Variants in CELSR1 observed in about 807,000 individuals in gnomAD.
The protein encoded by CELSR1 is cadherin EGF LAG seven-pass G-type receptor 1, also known as adhesion G protein-coupled receptor C1.
In CELSR1, 110 loss-of-function variants were observed where a neutral mutation model predicts 249.1. The observed-to-expected ratio is 0.44, with a 90% confidence interval of 0.38 to 0.52. CELSR1 has a LOEUF of 0.52. Among genes scored for constraint, CELSR1 ranks in the 20% least tolerant of loss-of-function variants. CELSR1 has a pLI of 0.00. For synonymous variants in CELSR1, 2,113 were observed against 1,900.0 expected (o/e 1.11, Z -2.92); for missense variants, 4,109 against 4,296.4 (o/e 0.96, Z 1.22).
chr22:46,486,140 C>T (rs2080311039), intron 1 of CELSR1, among the ~76,000 whole-genome samples: 1 of 151,282 alleles, frequency 6.6e-6, no homozygotes, highest in Non-Finnish European at 1.5e-5. Flanking sequence ...GGGGTTTCAC[C>T]GTGTTAGCCA....
In CELSR1 at chr22:46,408,717, G is replaced by T. The variant is rs745719880; in HGVS notation, c.5226+279C>A. On this transcript the variant is annotated intron_variant, in intron 9 of 34. Coordinates refer to ENST00000674500, the MANE Select transcript of CELSR1 (RefSeq NM_001378328.1). This position sits in a 1 kb window ranked among gnomAD's most constrained non-coding sequence, Gnocchi z 4.6. ...CCTCCCTCAGTTCTGCAATGCCCAC[G>T]CTCCAGCCAAACCCTCAGGCTAGAG... is the stretch of plus-strand genomic sequence containing the variant. Among the ~76,000 whole-genome samples, 68 of 152,142 alleles carry T rather than the reference G, an allele frequency of 4.5e-4. No homozygotes were observed. The highest frequency in any genetic ancestry group is 7.2e-4 in the Admixed American group (11 of 15,270).
Position 46,399,370 on chromosome 22 carries a change from G to A in CELSR1, c.5412+347C>T, listed in dbSNP as rs910598285. On this transcript the variant is annotated intron_variant, in intron 10 of 34. Coordinates refer to ENST00000674500, the MANE Select transcript of CELSR1 (RefSeq NM_001378328.1). This position sits in a 1 kb window ranked among gnomAD's most constrained non-coding sequence, Gnocchi z 5.0. ...CTCTGAGGGCACGGGCCCCAGCATT[G>A]CTACTTCAGTACCCTAAAGACATGG... Among the ~76,000 whole-genome samples the A allele has an allele frequency of 6.6e-6, 1 of 152,196 alleles. No individual in the cohort carries two copies. The highest frequency in any genetic ancestry group is 1.5e-5 in the Non-Finnish European group (1 of 68,042).
In CELSR1 at chr22:46,423,560, G is replaced by T. The variant is rs1316756469; in HGVS notation, c.4611+9833C>A. Among the ~76,000 whole-genome samples the T allele has an allele frequency of 6.8e-6, 1 of 147,904 alleles. No individual in the cohort carries two copies. The highest frequency in any genetic ancestry group is 1.5e-5 in the Non-Finnish European group (1 of 67,470). ...GCAGAGGTTGCGGTGAGCCGAGATC[G>T]CGCCTTTACACTCCAGCCTGGGCAA... On this transcript the variant is annotated intron_variant, in intron 5 of 34. Coordinates refer to ENST00000674500, the MANE Select transcript of CELSR1 (RefSeq NM_001378328.1). This position sits in a 1 kb window ranked among gnomAD's most constrained non-coding sequence, Gnocchi z 5.6.
At chr22:46,444,885 C>G (rs753501532) in intron 2 of CELSR1, among the ~76,000 whole-genome samples, 13 of 152,304 alleles carry the variant, frequency 8.5e-5, no homozygotes, top group African/African-American at 2.9e-4. Context: ...CTCACAAGGC[C>G]GTCAAATCTC....
chr22:46,514,597 T>C (rs1268411542), intron 1 of CELSR1, among the ~76,000 whole-genome samples: 2 of 152,116 alleles, frequency 1.3e-5, no homozygotes, highest in African/African-American at 2.4e-5. Flanking sequence ...AAGTCAGGGA[T>C]AATGCAATGG....
chr22:46,414,599 G>A (rs903427953), intron 5 of CELSR1, among the ~76,000 whole-genome samples: 10 of 147,782 alleles, frequency 6.8e-5, no homozygotes, highest in African/African-American at 1.3e-4. Flanking sequence ...CCACTCTCCC[G>A]CCTCTCGGCG....
At position 46,409,058 on chromosome 22, in the gene CELSR1, G is replaced by A. The variant is rs1452085200; in HGVS notation, c.5164C>T (p.Arg1722Trp). 11 of 1,613,238 alleles carry A rather than the reference G, an allele frequency of 6.8e-6. No homozygotes were observed. Among genetic ancestry groups the A allele is most frequent in the Admixed American group, 1.7e-5 (1 of 59,966 alleles). ...TCCATCAGAACGCTGTCCTCCTTCC[G>A]GGTCCGGAACATGAGCCCCAGGTAC... ...PWYLGLMFRT[R>W]KEDSVLMEAT... The change falls in exon 9 of 35, where the codon CGG (arginine) becomes TGG (tryptophan). Residue 1722 changes from arginine (R) to tryptophan (W), a missense_variant. Coordinates refer to ENST00000674500, the MANE Select transcript of CELSR1 (RefSeq NM_001378328.1). This position sits in a 1 kb window ranked among gnomAD's most constrained non-coding sequence, Gnocchi z 9.8.
intron 1 of CELSR1, among the ~76,000 whole-genome samples, chr22:46,513,136 C>G (rs1036019303): frequency 6.6e-6 from 1 of 152,174 alleles, no homozygotes; most frequent in Admixed American, 6.5e-5. Flanking sequence ...CTCAAAATCA[C>G]GCGACTGGGG....
Position 46,484,848 on chromosome 22 carries a change from C to T in CELSR1, c.3545-20503G>A, listed in dbSNP as rs537456813. On this transcript the variant is annotated intron_variant, in intron 1 of 34. Coordinates refer to ENST00000674500, the MANE Select transcript of CELSR1 (RefSeq NM_001378328.1). This position sits in a 1 kb window ranked among gnomAD's most constrained non-coding sequence, Gnocchi z 4.5. ...CGCCTCCCTCCAATTTAGTGAATGGCGAGCAAATCATTTTCTTTGGGGGAA... is the reference window on the plus strand; with the variant it reads ...CGCCTCCCTCCAATTTAGTGAATGGTGAGCAAATCATTTTCTTTGGGGGAA... Among the ~76,000 whole-genome samples the T allele has an allele frequency of 1.0e-4, 15 of 150,414 alleles. No homozygotes were observed. The East Asian group carries it at 1.2e-3, about 12-fold the overall frequency.
chr22:46,498,496 C>T (rs1273504076), intron 1 of CELSR1, among the ~76,000 whole-genome samples: 1 of 151,248 alleles, frequency 6.6e-6, no homozygotes. Flanking sequence ...GCCTGTAATC[C>T]CAGGTACTCA....
chr22:46,375,537 CTCTTT>C (rs1482906160), intron 24 of CELSR1, among the ~76,000 whole-genome samples: 20 of 146,164 alleles, frequency 1.4e-4, no homozygotes, highest in African/African-American at 5.2e-4. Context: ...TGCTGCCAGG[CTCTTT>C]TTTTTTTTTT....
chr22:46,504,611 T>C (rs1430586909), intron 1 of CELSR1, among the ~76,000 whole-genome samples: 1 of 152,134 alleles, frequency 6.6e-6, no homozygotes. Flanking sequence ...CATTTATTTT[T>C]ACCTACAGGA....
rs557080696 is a variant in CELSR1 at position 46,500,876 on chromosome 22, C to T, written c.3544+32751G>A. ...GCGGGCAGAGCTGTCCTTGTAAGCACGCCCATGATGGGACCCGAAAATCAG... is the reference window on the plus strand; with the variant it reads ...GCGGGCAGAGCTGTCCTTGTAAGCATGCCCATGATGGGACCCGAAAATCAG... On this transcript the variant is annotated intron_variant, in intron 1 of 34. Coordinates refer to ENST00000674500, the MANE Select transcript of CELSR1 (RefSeq NM_001378328.1). This position sits in a 1 kb window ranked among gnomAD's most constrained non-coding sequence, Gnocchi z 4.9. Among the ~76,000 whole-genome samples, 1 of 152,182 alleles carries T rather than the reference C, an allele frequency of 6.6e-6. No individual in the cohort carries two copies. The highest frequency in any genetic ancestry group is 2.4e-5 in the African/African-American group (1 of 41,520).
At position 46,440,922 on chromosome 22, in the gene CELSR1, G is replaced by A. The variant is rs965319130; in HGVS notation, c.4184-1511C>T. ...CATCCCAGCACTTTGGGAGGCTGAG[G>A]TGGGTGGATGTCTTGAGGCCAGGAG... On this transcript the variant is annotated intron_variant, in intron 2 of 34. Transcript: ENST00000674500. The surrounding 1 kb of genome is among the most constrained non-coding windows in gnomAD (Gnocchi z 4.7). Among the ~76,000 whole-genome samples, 1 of 152,168 alleles carries A rather than the reference G, an allele frequency of 6.6e-6. No homozygotes were observed. The highest frequency in any genetic ancestry group is 1.9e-4 in the East Asian group (1 of 5,198).
chr22:46,433,255 G>A lies in CELSR1; in HGVS notation c.4611+138C>T, dbSNP rs1447721716. ...TCGCCACGTTGGCCAAGCTGGTCTCGAGCTCCTGACCTCAGGTAATCCACC... is the reference window on the plus strand; with the variant it reads ...TCGCCACGTTGGCCAAGCTGGTCTCAAGCTCCTGACCTCAGGTAATCCACC... On this transcript the variant is annotated intron_variant, in intron 5 of 34. Transcript: ENST00000674500. The surrounding 1 kb of genome is among the most constrained non-coding windows in gnomAD (Gnocchi z 5.7). 5 of 593,340 alleles carry A rather than the reference G, an allele frequency of 8.4e-6. No homozygotes were observed. Among genetic ancestry groups the A allele is most frequent in the Admixed American group, 3.3e-5 (1 of 29,982 alleles). 36.8% of individuals were successfully genotyped at this position (593,340 alleles called of 1,614,324 possible).
rs980560000 is a variant in CELSR1, at chr22:46,518,437, G to A, written c.3544+15190C>T. On this transcript the variant is annotated intron_variant, in intron 1 of 34. Coordinates refer to ENST00000674500, the MANE Select transcript of CELSR1 (RefSeq NM_001378328.1). This position sits in a 1 kb window ranked among gnomAD's most constrained non-coding sequence, Gnocchi z 5.2. Reference sequence around the variant, plus strand: ...AAACCGATGGTGTGCTCGGGCATTCGGGTGGACAGACTGCAGATCCCACTG... The same window carrying A: ...AAACCGATGGTGTGCTCGGGCATTCAGGTGGACAGACTGCAGATCCCACTG... Among the ~76,000 whole-genome samples, 12 of 152,200 alleles carry A rather than the reference G, an allele frequency of 7.9e-5. No individual in the cohort carries two copies. The highest frequency in any genetic ancestry group is 2.2e-4 in the African/African-American group (9 of 41,454).
Position 46,490,623 on chromosome 22 carries a change from G to T in CELSR1, c.3545-26278C>A, listed in dbSNP as rs939159725. On this transcript the variant is annotated intron_variant, in intron 1 of 34. Coordinates refer to ENST00000674500, the MANE Select transcript of CELSR1 (RefSeq NM_001378328.1). This position sits in a 1 kb window ranked among gnomAD's most constrained non-coding sequence, Gnocchi z 5.2. ...GGGAAATGTTCTAAGCAGAGTGAGC[G>T]TCGTGGAGCCTCCCTCAGGCATGGC... 1.3e-5 allele frequency among the ~76,000 whole-genome samples: 2 copies of T among 152,098 alleles called. No homozygotes were observed. The highest frequency in any genetic ancestry group is 2.9e-5 in the Non-Finnish European group (2 of 68,030).
intron 4 of CELSR1, among the ~76,000 whole-genome samples, chr22:46,435,845 C>T (rs556218932): frequency 4.6e-5 from 7 of 152,246 alleles, no homozygotes; most frequent in East Asian, 3.9e-4. Flanking sequence ...AGATTACAGG[C>T]GTGCACCACC....
chr22:46,449,952 G>GCACTCAAATGCTCACACA (rs1569171585), intron 2 of CELSR1, among the ~76,000 whole-genome samples: 3 of 150,730 alleles, frequency 2.0e-5, no homozygotes, highest in Non-Finnish European at 4.4e-5. Flanking sequence ...TCACATGCAC[G>GCACTCAAATGCTCACACA]CACTCACATG....
Sources: gnomAD v4.1 joint callset for allele counts (sites outside exome capture counted in the v4.1 genomes callset) on GRCh38, gnomAD v4.1.1 for gene constraint, Gnocchi (gnomAD v3.1) non-coding constraint, MANE v1.5 for transcripts, NCBI Gene and HGNC (gene_info 2026-07-23, HGNC 2026-07-21) for gene names.